Variants in CCDC144A observed in about 807,000 individuals in gnomAD.
The protein encoded by CCDC144A is coiled-coil domain-containing protein 144A.
CCDC144A carries 41 observed loss-of-function variants against 143.8 expected under a neutral mutation model. The ratio of observed to expected loss-of-function variants is 0.29; its 90% CI spans 0.22 to 0.37. CCDC144A has a LOEUF of 0.37. CCDC144A is among the 10% of genes least tolerant of loss of function. The pLI, the probability that CCDC144A is intolerant of heterozygous loss-of-function variation, is 1.00. For missense variants in CCDC144A, 637 were observed against 1,488.8 expected (o/e 0.43, Z 9.41); for synonymous variants, 242 against 517.9 (o/e 0.47, Z 7.23).
intron 9 of CCDC144A, among the ~76,000 whole-genome samples, chr17:16,728,711 G>A (rs1454904246): frequency 1.3e-5 from 2 of 152,026 alleles, no homozygotes; most frequent in African/African-American, 4.8e-5. Context: ...TACCTCAGTA[G>A]GTAGTTTCTC....
intron 12 of CCDC144A, among the ~76,000 whole-genome samples, chr17:16,756,384 ATCTAG>A (rs1399801740): frequency 6.6e-6 from 1 of 151,898 alleles, no homozygotes. Flanking sequence ...CTTCTCCTTG[ATCTAG>A]TCTATTGCCA....
intron 12 of CCDC144A, among the ~76,000 whole-genome samples, chr17:16,757,861 G>A (rs569619550): frequency 2.0e-4 from 30 of 152,296 alleles, no homozygotes; most frequent in Non-Finnish European, 4.0e-4. Context: ...ATTTCCACAG[G>A]TATATGGTGC....
the CCDC144A span, among the ~76,000 whole-genome samples, chr17:16,677,648 A>G: frequency 1.3e-5 from 2 of 151,938 alleles, no homozygotes; most frequent in African/African-American, 2.4e-5. Flanking sequence ...GCCTGGCCAC[A>G]TGGTGAAACC....
intron 2 of CCDC144A, among the ~76,000 whole-genome samples, chr17:16,697,258 C>T (rs1455788571): frequency 6.6e-6 from 1 of 152,042 alleles, no homozygotes; most frequent in Non-Finnish European, 1.5e-5. Flanking sequence ...CAGGGATTGG[C>T]AAGCATTTTC....
chr17:16,697,112 G>T (rs1411568616), intron 2 of CCDC144A, among the ~76,000 whole-genome samples: 1 of 152,098 alleles, frequency 6.6e-6, no homozygotes, highest in African/African-American at 2.4e-5. Context: ...CCAAATAGAT[G>T]CGTGTTTCTC....
intron 8 of CCDC144A, among the ~76,000 whole-genome samples, chr17:16,723,618 A>T (rs2143194760): frequency 6.6e-6 from 1 of 152,180 alleles, no homozygotes; most frequent in South Asian, 2.1e-4. Flanking sequence ...TGAGTGACCA[A>T]TTCCTGGTTC....
chr17:16,673,131 AGC>A, the CCDC144A span, among the ~76,000 whole-genome samples: 3 of 152,012 alleles, frequency 2.0e-5, no homozygotes. Context: ...TGAGGTTGGT[AGC>A]ATTTTCTTTT....
chr17:16,699,669 T>A (rs1233624381), intron 2 of CCDC144A, among the ~76,000 whole-genome samples: 1 of 145,420 alleles, frequency 6.9e-6, no homozygotes, highest in Admixed American at 7.0e-5. Flanking sequence ...CCTGGCCTGC[T>A]GCACAATTAT....
intron 11 of CCDC144A, among the ~76,000 whole-genome samples, chr17:16,732,900 G>A (rs1383363044): frequency 2.7e-4 from 41 of 151,208 alleles, no homozygotes; most frequent in African/African-American, 6.3e-4. Context: ...GACATTCACA[G>A]TGGCCTTATC....
chr17:16,673,548 G>A, the CCDC144A span, among the ~76,000 whole-genome samples: 11 of 151,882 alleles, frequency 7.2e-5, no homozygotes, highest in East Asian at 5.8e-4. Flanking sequence ...CACCACGCCC[G>A]GCTAATTTTG....
chr17:16,774,923 C>G lies in CCDC144A; in HGVS notation c.*1290C>G, dbSNP rs2694296. 2.0e-5 allele frequency: 3 copies of G among 148,860 alleles called. No individual in the cohort carries two copies. Among genetic ancestry groups the G allele is most frequent in the African/African-American group, 5.1e-5 (2 of 38,912 alleles). The allele number at this position is 148,860 out of a possible 1,614,324, so 9.2% of individuals were successfully genotyped here. Reference sequence around the variant, plus strand: ...GTTCCCCGCCATGTGTCCATGTGTTCTCATTATTCAGCTCCCACTTGTAAG... The same window carrying G: ...GTTCCCCGCCATGTGTCCATGTGTTGTCATTATTCAGCTCCCACTTGTAAG... On this transcript the variant is annotated 3_prime_UTR_variant, in exon 17 of 17. Coordinates refer to ENST00000399273, the MANE Select transcript of CCDC144A (RefSeq NM_001382000.1).
chr17:16,728,428 T>TA (rs1567596868), intron 9 of CCDC144A, among the ~76,000 whole-genome samples: 1 of 152,190 alleles, frequency 6.6e-6, no homozygotes, highest in African/African-American at 2.4e-5. Context: ...GGTTGAAATA[T>TA]AGGAACTTTT....
intron 9 of CCDC144A, among the ~76,000 whole-genome samples, chr17:16,728,248 G>A (rs1378873631): frequency 6.6e-6 from 1 of 152,096 alleles, no homozygotes; most frequent in South Asian, 2.1e-4. Flanking sequence ...TGTTGCTCAG[G>A]ATGATCTCCA....
At chr17:16,702,906 T>C (rs879370944) in intron 2 of CCDC144A, among the ~76,000 whole-genome samples, 2,308 of 139,126 alleles carry the variant, frequency 0.017, no homozygotes, top group African/African-American at 0.021. Flanking sequence ...CTTGCCAATA[T>C]GTTAGTTGTG....
Position 16,773,503 on chromosome 17 carries a change from C to A in CCDC144A, c.4148C>A (p.Thr1383Asn), listed in dbSNP as rs1034352599. Residue 1383 changes from threonine to asparagine, a missense_variant, in exon 17 of 17, where the codon ACT (threonine) becomes AAT (asparagine). Physicochemically the swap from Thr to Asn is moderately conservative, Grantham distance 65. Transcript: ENST00000399273. ...NDLTAEVAAATKYEPGSYIAS... is the reference protein window; with the variant it reads ...NDLTAEVAAANKYEPGSYIAS... ...TTCTTGCTTTTTTTTTCAGCTGCTA[C>A]TAAATATGAACCTGGATCCTATATA... 1.7e-5 allele frequency: 26 copies of A among 1,539,302 alleles called. 1 individual carries two copies. The African/African-American group carries it at 3.6e-4, about 21-fold the overall frequency.
At chr17:16,753,434 T>TTTTTTGTTTTTG (rs1914907715) in intron 12 of CCDC144A, among the ~76,000 whole-genome samples, 1 of 118,562 alleles carries the variant, frequency 8.4e-6, no homozygotes, top group African/African-American at 4.2e-5. Context: ...TGTAGTTTTT[T>TTTTTTGTTTTTG]TTTTTTTTTT....
chr17:16,692,687 G>C (rs545594198), intron 1 of CCDC144A, among the ~76,000 whole-genome samples: 1 of 151,838 alleles, frequency 6.6e-6, no homozygotes, highest in East Asian at 1.9e-4. Context: ...GAAGCAACTT[G>C]TCAGAGAATA....
rs532709515 is a variant in CCDC144A, at chr17:16,771,333, G to T, written c.4099-644G>T. ...TCAAAGAAACTAAGATTGAAAACTG[G>T]CTCTAACCTGTATTTATCCTTGTTT... is the stretch of plus-strand genomic sequence containing the variant. On this transcript the variant is annotated intron_variant, in intron 15 of 16. Coordinates refer to ENST00000399273, the MANE Select transcript of CCDC144A (RefSeq NM_001382000.1). 3.3e-4 allele frequency among the ~76,000 whole-genome samples: 50 copies of T among 152,304 alleles called. No individual in the cohort carries two copies. In the East Asian group the frequency reaches 7.9e-3, roughly 24 times the overall value.
chr17:16,667,180 G>A, the CCDC144A span: 3 of 181,968 alleles, frequency 1.6e-5, no homozygotes, highest in Non-Finnish European at 3.5e-5. Flanking sequence ...GCTGGGCAGC[G>A]CCAATCCCTA....
Sources: allele counts gnomAD v4.1 joint callset (sites outside exome capture counted in the v4.1 genomes callset), GRCh38; gene constraint gnomAD v4.1.1; transcripts MANE v1.5; gene names NCBI Gene and HGNC (gene_info 2026-07-23, HGNC 2026-07-21).